Variants in TNIP3 observed in about 807,000 individuals in gnomAD.
The protein encoded by TNIP3 is TNFAIP3-interacting protein 3.
A neutral mutation model predicts 54.1 loss-of-function variants in TNIP3; 34 were observed. The observed-to-expected ratio is 0.63, with a 90% CI of 0.48 to 0.84. TNIP3 has a LOEUF of 0.84. TNIP3 is among the 40% of genes least tolerant of loss of function. The probability of loss-of-function intolerance (pLI) is 0.00; values close to 1 mark genes in which losing one functional copy is unlikely to be tolerated. For missense variants in TNIP3, 366 were observed against 387.6 expected (o/e 0.94, Z 0.47); for synonymous variants, 134 against 136.8 (o/e 0.98, Z 0.14).
intron 4 of TNIP3, among the ~76,000 whole-genome samples, chr4:121,155,926 C>T (rs1012657985): frequency 4.6e-5 from 7 of 151,976 alleles, no homozygotes; most frequent in Non-Finnish European, 1.0e-4. Flanking sequence ...ATAGAATGAA[C>T]ATATACACTT....
chr4:121,158,670 TAG>T lies in TNIP3; in HGVS notation c.213+15_213+16del. 1 of 1,585,636 alleles carries T rather than the reference TAG, an allele frequency of 6.3e-7. No individual in the cohort carries two copies. Among genetic ancestry groups the T allele is most frequent in the East Asian group, 2.2e-5 (1 of 44,746 alleles). On this transcript the variant is annotated intron_variant, in intron 3 of 10. Coordinates refer to ENST00000057513, the MANE Select transcript of TNIP3 (RefSeq NM_024873.6). ...TAATGGCTTTAAAGAAAATACCGAATAGAGAGAGGTATTTACCTTTCTTTCAT... is the reference window on the plus strand; with the variant it reads ...TAATGGCTTTAAAGAAAATACCGAATAGAGAGGTATTTACCTTTCTTTCAT...
At chr4:121,170,624 A>G (rs138442340) in intron 3 of TNIP3, among the ~76,000 whole-genome samples, 2,827 of 152,076 alleles carry the variant, frequency 0.019, 59 homozygotes, top group Admixed American at 0.029. Flanking sequence ...ATAAATAAAT[A>G]ATATAAATAA....
At chr4:121,213,132 G>C (rs970919102) in intron 2 of TNIP3, among the ~76,000 whole-genome samples, 2 of 152,158 alleles carry the variant, frequency 1.3e-5, no homozygotes, top group African/African-American at 4.8e-5. Context: ...TTTACATAAA[G>C]GACGTTTGAA....
chr4:121,144,564 G>C (rs1171769229), intron 7 of TNIP3, among the ~76,000 whole-genome samples: 1 of 152,128 alleles, frequency 6.6e-6, no homozygotes, highest in African/African-American at 2.4e-5. Context: ...ACCATGCCCA[G>C]CTAATTTTTG....
chr4:121,148,731 T>G (rs562065889), intron 6 of TNIP3, among the ~76,000 whole-genome samples: 1 of 152,338 alleles, frequency 6.6e-6, no homozygotes, highest in South Asian at 2.1e-4. Context: ...TTTAGATCTA[T>G]TCACAGGCTA....
At chr4:121,149,792 C>G (rs557848776) in intron 6 of TNIP3, among the ~76,000 whole-genome samples, 1 of 152,014 alleles carries the variant, frequency 6.6e-6, no homozygotes, top group East Asian at 1.9e-4. Context: ...ACCATGTCTA[C>G]GTGAAACTCC....
intron 10 of TNIP3, among the ~76,000 whole-genome samples, chr4:121,133,006 A>G (rs1226667795): frequency 6.6e-6 from 1 of 152,146 alleles, no homozygotes; most frequent in African/African-American, 2.4e-5. Flanking sequence ...TTCAGTACTT[A>G]CCCCAGAGAA....
At chr4:121,224,772 T>G (rs1231932267) in intron 1 of TNIP3, among the ~76,000 whole-genome samples, 1 of 152,212 alleles carries the variant, frequency 6.6e-6, no homozygotes, top group African/African-American at 2.4e-5. Flanking sequence ...TTTTAATATC[T>G]ATAATTGTTT....
At chr4:121,175,691 G>T (rs539979713) in intron 3 of TNIP3, among the ~76,000 whole-genome samples, 5 of 152,340 alleles carry the variant, frequency 3.3e-5, no homozygotes, top group Non-Finnish European at 7.3e-5. Context: ...CTACTCAAAA[G>T]TGTGTCTTAT....
At chr4:121,153,831 C>G (rs868541260) in intron 5 of TNIP3, among the ~76,000 whole-genome samples, 2 of 152,300 alleles carry the variant, frequency 1.3e-5, no homozygotes, top group South Asian at 4.1e-4. Flanking sequence ...TTGCTTTTAT[C>G]ATGAAATATC....
chr4:121,227,343 A>C (rs1033899383), intron 1 of TNIP3: 4 of 1,527,536 alleles, frequency 2.6e-6, no homozygotes, highest in Non-Finnish European at 3.5e-6. Context: ...CCTGGTAAGT[A>C]AGCGAAATGA....
chr4:121,187,663 C>G (rs1297254515), intron 2 of TNIP3, among the ~76,000 whole-genome samples: 1 of 152,174 alleles, frequency 6.6e-6, no homozygotes, highest in Non-Finnish European at 1.5e-5. Context: ...TGAAATGTAG[C>G]TGATTTGTAA....
intron 2 of TNIP3, among the ~76,000 whole-genome samples, chr4:121,196,419 A>C (rs1020564867): frequency 6.6e-6 from 1 of 152,202 alleles, no homozygotes; most frequent in African/African-American, 2.4e-5. Context: ...AAATAAATCG[A>C]CGAATATAAT....
intron 2 of TNIP3, among the ~76,000 whole-genome samples, chr4:121,186,850 A>G (rs1356820127): frequency 6.6e-6 from 1 of 152,230 alleles, no homozygotes; most frequent in Non-Finnish European, 1.5e-5. Context: ...CACACCTCAA[A>G]TAAATGAGAA....
intron 2 of TNIP3, among the ~76,000 whole-genome samples, chr4:121,212,993 A>C (rs1180083656): frequency 6.6e-6 from 1 of 152,178 alleles, no homozygotes; most frequent in Admixed American, 6.5e-5. Flanking sequence ...AAAAAAATGG[A>C]GCTTTAAGGG....
chr4:121,162,415 A>G (rs938454071), intron 1 of TNIP3, among the ~76,000 whole-genome samples: 1 of 152,168 alleles, frequency 6.6e-6, no homozygotes, highest in African/African-American at 2.4e-5. Flanking sequence ...GAATGATTAT[A>G]TTTGCTCTTG....
At chr4:121,137,330 C>T (rs1474295446) in intron 10 of TNIP3, 1 of 152,054 alleles carries the variant, frequency 6.6e-6, no homozygotes, top group Non-Finnish European at 1.5e-5. Flanking sequence ...ACACACATTC[C>T]GGTTAATGGT....
chr4:121,198,145 T>C (rs563515841), intron 2 of TNIP3, among the ~76,000 whole-genome samples: 2 of 149,220 alleles, frequency 1.3e-5, no homozygotes, highest in South Asian at 4.2e-4. Context: ...AGTTTCATTC[T>C]TGTTTTTTTT....
chr4:121,223,763 T>C (rs112714805), intron 1 of TNIP3, among the ~76,000 whole-genome samples: 3,042 of 152,316 alleles, frequency 0.02, 104 homozygotes, highest in African/African-American at 0.07. Context: ...ATTGTAATAC[T>C]AGTTTTTCTA....
Sources: allele counts gnomAD v4.1 joint callset (sites outside exome capture counted in the v4.1 genomes callset), GRCh38; gene constraint gnomAD v4.1.1; transcripts MANE v1.5; gene names NCBI Gene and HGNC (gene_info 2026-07-23, HGNC 2026-07-21).